Variants in PTCHD4 observed in about 807,000 individuals in gnomAD.
PTCHD4 encodes the protein patched domain-containing protein 4.
A neutral mutation model predicts 58.1 loss-of-function variants in PTCHD4; 33 were observed. That is an observed-to-expected ratio of 0.57 (90% CI 0.43 to 0.76). The LOEUF (loss-of-function observed/expected upper bound fraction) is 0.76, where lower values mean the gene tolerates loss of function less well. PTCHD4 is among the 30% of genes least tolerant of loss of function. The probability of loss-of-function intolerance (pLI) is 0.00; values close to 1 mark genes in which losing one functional copy is unlikely to be tolerated. For missense variants in PTCHD4, 1,058 were observed against 1,027.1 expected, an observed-to-expected ratio of 1.03 and a Z score of -0.41; for synonymous variants, 478 against 409.6, an observed-to-expected ratio of 1.17 and a Z score of -2.02.
intron 4 of PTCHD4, among the ~76,000 whole-genome samples, chr6:48,005,944 CT>C (rs1459327140): frequency 8.5e-5 from 13 of 152,128 alleles, no homozygotes; most frequent in Non-Finnish European, 1.8e-4. Context: ...CAGAGTGTTC[CT>C]TTTATTTCAC....
Position 48,065,105 on chromosome 6 carries a change from G to T in PTCHD4, c.417+3125C>A, listed in dbSNP as rs138781634. Among the ~76,000 whole-genome samples, 720 of 152,160 alleles carry T rather than the reference G, an allele frequency of 4.7e-3. 6 individuals carry two copies. The highest frequency in any genetic ancestry group is 0.016 in the African/African-American group (650 of 41,516). ...GAAGTTCTAAACCTTTCTGTGTCCA[G>T]GACTCCCTGGGTGTCTTAATAATAT... is the stretch of plus-strand genomic sequence containing the variant. On this transcript the variant is annotated intron_variant, in intron 3 of 4. Transcript: ENST00000339488.
At chr6:47,932,418 G>A (rs1765855512) in intron 4 of PTCHD4, among the ~76,000 whole-genome samples, 1 of 152,210 alleles carries the variant, frequency 6.6e-6, no homozygotes, top group African/African-American at 2.4e-5. Context: ...GCTTCTACCA[G>A]TGGCTGGAAT....
intron 4 of PTCHD4, among the ~76,000 whole-genome samples, chr6:47,943,863 T>A (rs1766324500): frequency 6.6e-6 from 1 of 152,054 alleles, no homozygotes; most frequent in Admixed American, 6.6e-5. Flanking sequence ...TCCATCTTAT[T>A]TTGTCAAAAT....
At chr6:48,006,426 AC>A (rs1334006335) in intron 4 of PTCHD4, among the ~76,000 whole-genome samples, 1 of 152,214 alleles carries the variant, frequency 6.6e-6, no homozygotes, top group African/African-American at 2.4e-5. Flanking sequence ...TGCTTTCATT[AC>A]CTAATTAGTT....
At chr6:47,985,482 A>C (rs1377968698) in intron 4 of PTCHD4, among the ~76,000 whole-genome samples, 2 of 152,124 alleles carry the variant, frequency 1.3e-5, no homozygotes, top group African/African-American at 2.4e-5. Context: ...AATATTTTTA[A>C]CATTGCTAGT....
chr6:47,910,675 C>T (rs537223806), intron 4 of PTCHD4, among the ~76,000 whole-genome samples: 2 of 152,178 alleles, frequency 1.3e-5, no homozygotes, highest in South Asian at 4.2e-4. Context: ...TTATAGCCCT[C>T]CCTCCTGAAT....
Position 47,874,101 on chromosome 6 carries a change from C to T in PTCHD4, c.*4202G>A, listed in dbSNP as rs1327901781. On this transcript the variant is annotated 3_prime_UTR_variant, in exon 5 of 5. Coordinates refer to ENST00000339488, the MANE Select transcript of PTCHD4 (RefSeq NM_001384253.1). ...TCTGCTTCACCATAAGATTAGCAAA[C>T]ACAAGACATAAAATTATGTTTATTT... Among the ~76,000 whole-genome samples, 1 of 151,650 alleles carries T rather than the reference C, an allele frequency of 6.6e-6. No individual in the cohort carries two copies. Among genetic ancestry groups the T allele is most frequent in the African/African-American group, 2.4e-5 (1 of 41,338 alleles).
chr6:48,037,918 A>AAAT (rs1763699698), intron 3 of PTCHD4, among the ~76,000 whole-genome samples: 1 of 150,718 alleles, frequency 6.6e-6, no homozygotes, highest in Non-Finnish European at 1.5e-5. Flanking sequence ...AAAAAAAAAA[A>AAAT]AAGTTCCTTT....
intron 4 of PTCHD4, among the ~76,000 whole-genome samples, chr6:47,926,983 A>G (rs1469412373): frequency 6.6e-6 from 1 of 152,198 alleles, no homozygotes; most frequent in East Asian, 1.9e-4. Flanking sequence ...TTGTCTGATG[A>G]GTTCCCTTTG....
intron 4 of PTCHD4, among the ~76,000 whole-genome samples, chr6:47,968,122 C>T (rs1767365839): frequency 6.6e-6 from 1 of 152,110 alleles, no homozygotes; most frequent in Non-Finnish European, 1.5e-5. Context: ...TGTGACTCTT[C>T]TTTTTACTGA....
intron 4 of PTCHD4, among the ~76,000 whole-genome samples, chr6:47,976,835 A>C (rs1273328513): frequency 6.6e-6 from 1 of 152,096 alleles, no homozygotes; most frequent in Non-Finnish European, 1.5e-5. Context: ...CAATAAGAAT[A>C]TATAAATTTA....
rs114145247 is a variant in PTCHD4, at chr6:47,931,329, G to C, written c.899-51393C>G. Among the ~76,000 whole-genome samples, 430 of 152,312 alleles carry C rather than the reference G, an allele frequency of 2.8e-3. 3 individuals carry two copies. Among genetic ancestry groups the C allele is most frequent in the African/African-American group, 9.6e-3 (398 of 41,578 alleles). On this transcript the variant is annotated intron_variant, in intron 4 of 4. Coordinates refer to ENST00000339488, the MANE Select transcript of PTCHD4 (RefSeq NM_001384253.1). ...ACCACCACACATGCAAATATCATGA[G>C]AGTCCAATCAGAGTTATATATGTGT...
chr6:47,914,726 CTATCTATTATCTATCTAT>C (rs1244207175), intron 4 of PTCHD4, among the ~76,000 whole-genome samples: 3 of 144,262 alleles, frequency 2.1e-5, no homozygotes, highest in East Asian at 4.0e-4. Context: ...GTCTGTCTAT[CTATCTATTATCTATCTAT>C]TATCTATCTA....
At chr6:47,966,789 T>C (rs570988054) in intron 4 of PTCHD4, among the ~76,000 whole-genome samples, 6 of 152,334 alleles carry the variant, frequency 3.9e-5, no homozygotes, top group Admixed American at 3.3e-4. Context: ...ATATTTATCA[T>C]GAGGTTGCAG....
intron 3 of PTCHD4, among the ~76,000 whole-genome samples, chr6:48,047,693 G>A (rs562245006): frequency 2.0e-4 from 30 of 151,836 alleles, no homozygotes; most frequent in Non-Finnish European, 2.9e-4. Context: ...TCACAAATGA[G>A]ATTAGTGTTT....
chr6:48,082,919 CAT>C (rs963393680), intron 1 of PTCHD4, among the ~76,000 whole-genome samples: 2 of 151,746 alleles, frequency 1.3e-5, no homozygotes, highest in African/African-American at 2.4e-5. Flanking sequence ...CTTATTGGTA[CAT>C]GTTTGGCTTA....
chr6:47,867,894 A>G lies in PTCHD4; in HGVS notation c.*10409T>C, dbSNP rs1035957396. Among the ~76,000 whole-genome samples the G allele has an allele frequency of 9.2e-5, 14 of 151,748 alleles. No homozygotes were observed. The highest frequency in any genetic ancestry group is 4.4e-5 in the Non-Finnish European group (3 of 67,818). ...ACCAATATAGGTGCTCCTAAATATG[A>G]GGTAAGTAAATAGGTACAATCACAA... On this transcript the variant is annotated 3_prime_UTR_variant, in exon 5 of 5. Coordinates refer to ENST00000339488, the MANE Select transcript of PTCHD4 (RefSeq NM_001384253.1).
chr6:47,937,576 T>A (rs899650353), intron 4 of PTCHD4, among the ~76,000 whole-genome samples: 2 of 152,186 alleles, frequency 1.3e-5, no homozygotes, highest in African/African-American at 4.8e-5. Context: ...AGGCATCAAA[T>A]GGCTATTAGG....
At chr6:47,917,001 T>G (rs1765279050) in intron 4 of PTCHD4, among the ~76,000 whole-genome samples, 1 of 152,068 alleles carries the variant, frequency 6.6e-6, no homozygotes, top group African/African-American at 2.4e-5. Context: ...TCTATAGAGA[T>G]TCATTCTCTA....
Sources: allele counts gnomAD v4.1 joint callset (sites outside exome capture counted in the v4.1 genomes callset), GRCh38; gene constraint gnomAD v4.1.1; transcripts MANE v1.5; gene names NCBI Gene and HGNC (gene_info 2026-07-23, HGNC 2026-07-21).